SNX25: variants seen among roughly 807,000 people sequenced by gnomAD.
SNX25 encodes sorting nexin-25.
SNX25 carries 62 observed loss-of-function variants against 113.7 expected under a neutral mutation model. That is an observed-to-expected ratio of 0.55 (90% CI 0.44 to 0.67). The LOEUF (loss-of-function observed/expected upper bound fraction) is 0.67, where lower values mean the gene tolerates loss of function less well. SNX25 is among the 30% of genes least tolerant of loss of function. SNX25 has a pLI of 0.00. For synonymous variants in SNX25, 421 were observed against 436.2 expected (o/e 0.97, Z 0.43); for missense variants, 1,014 against 1,161.0 (o/e 0.87, Z 1.84).
downstream of SNX25, among the ~76,000 whole-genome samples, chr4:185,368,504 C>T (rs935853338): frequency 2.0e-5 from 3 of 152,190 alleles, no homozygotes; most frequent in Non-Finnish European, 2.9e-5. Flanking sequence ...GGGACACTGC[C>T]GGTCCAGTGA....
At chr4:185,245,486 C>T (rs1268807924) in intron 1 of SNX25, among the ~76,000 whole-genome samples, 6 of 151,930 alleles carry the variant, frequency 3.9e-5, no homozygotes, top group African/African-American at 2.4e-5. Context: ...TACAGGTGCC[C>T]GCCACCACGC....
downstream of SNX25, chr4:185,372,916 T>C: frequency 6.2e-7 from 1 of 1,613,326 alleles, no homozygotes; most frequent in Non-Finnish European, 8.5e-7. Context: ...CTCCACGAGA[T>C]TCCCTTGAGC....
intron 5 of SNX25, among the ~76,000 whole-genome samples, chr4:185,280,294 T>C (rs1560964019): frequency 6.6e-6 from 1 of 152,220 alleles, no homozygotes. Flanking sequence ...AGATTTTTGG[T>C]GTATCTATAC....
chr4:185,350,987 CT>C (rs1468666043), intron 13 of SNX25, among the ~76,000 whole-genome samples: 2 of 152,186 alleles, frequency 1.3e-5, no homozygotes, highest in East Asian at 3.8e-4. Flanking sequence ...ACTCAAAGTT[CT>C]TTTTTTCAGC....
upstream of SNX25, among the ~76,000 whole-genome samples, chr4:185,207,110 CA>C (rs1334095958): frequency 3.9e-5 from 6 of 152,024 alleles, no homozygotes; most frequent in Admixed American, 2.6e-4. Context: ...TCCACTGACC[CA>C]GGGGCAATCT....
At chr4:185,375,643 G>A in the SNX25 span, 2 of 1,610,966 alleles carry the variant, frequency 1.2e-6, no homozygotes, top group South Asian at 1.1e-5. Flanking sequence ...GCCCATCATA[G>A]TACATCACTC....
At chr4:185,325,844 T>C (rs1346720797) in intron 9 of SNX25, among the ~76,000 whole-genome samples, 1 of 152,222 alleles carries the variant, frequency 6.6e-6, no homozygotes, top group African/African-American at 2.4e-5. Context: ...AGAAACCCTG[T>C]ACAGGGACTG....
chr4:185,358,856 G>A (rs2095350272), intron 16 of SNX25, among the ~76,000 whole-genome samples: 1 of 152,170 alleles, frequency 6.6e-6, no homozygotes, highest in Admixed American at 6.5e-5. Context: ...GTTTTAAGAT[G>A]AAATTATCAG....
intron 9 of SNX25, among the ~76,000 whole-genome samples, chr4:185,328,902 A>G (rs114457848): frequency 0.018 from 2,814 of 152,202 alleles, 85 homozygotes; most frequent in African/African-American, 0.063. Context: ...GGGCCACCAG[A>G]TTGGAGGTTT....
intron 6 of SNX25, among the ~76,000 whole-genome samples, chr4:185,303,160 G>A (rs551688146): frequency 6.6e-6 from 1 of 152,256 alleles, no homozygotes; most frequent in East Asian, 1.9e-4. Flanking sequence ...CTGGGCTCCT[G>A]CTCACAACAA....
intron 6 of SNX25, among the ~76,000 whole-genome samples, chr4:185,305,826 T>C (rs1271937551): frequency 6.6e-6 from 1 of 152,194 alleles, no homozygotes; most frequent in African/African-American, 2.4e-5. Flanking sequence ...TGGAATATTA[T>C]AGGTTAGTGC....
chr4:185,372,827 A>G, downstream of SNX25: 1 of 1,510,162 alleles, frequency 6.6e-7, no homozygotes, highest in South Asian at 1.2e-5. Context: ...ATTCTGTTAC[A>G]GCAGCACAGA....
At chr4:185,288,279 T>A (rs1211753438) in intron 6 of SNX25, among the ~76,000 whole-genome samples, 197 bp downstream of exon 6, 1 of 152,264 alleles carries the variant, frequency 6.6e-6, no homozygotes, top group Non-Finnish European at 1.5e-5. Flanking sequence ...TTTGTCTGTA[T>A]TTCTGTATTC....
At chr4:185,278,389 A>G (rs942985970) in intron 5 of SNX25, among the ~76,000 whole-genome samples, 1 of 152,266 alleles carries the variant, frequency 6.6e-6, no homozygotes, top group Non-Finnish European at 1.5e-5. Flanking sequence ...TTGAAGCTGC[A>G]TGACCTTGGG....
At chr4:185,225,551 C>A (rs765345134) in intron 1 of SNX25, among the ~76,000 whole-genome samples, 1 of 152,140 alleles carries the variant, frequency 6.6e-6, no homozygotes, top group Non-Finnish European at 1.5e-5. Flanking sequence ...ATTCCTGTGG[C>A]CCCAGTTTGA....
At position 185,363,611 on chromosome 4, in the gene SNX25, C is replaced by G. The variant is rs531855066; in HGVS notation, c.*146C>G. 1.4e-5 allele frequency: 10 copies of G among 694,004 alleles called. No homozygotes were observed. The highest frequency in any genetic ancestry group is 2.1e-5 in the Non-Finnish European group (9 of 421,658). The allele number at this position is 694,004 out of a possible 1,614,324, so 43.0% of individuals were successfully genotyped here. ...TAGTTTTATGTGAAATTAGTAGAAT[C>G]AGGGAGGACGGGACTTATGCTGTGG... On this transcript the variant is annotated 3_prime_UTR_variant, in exon 19 of 19. Transcript: ENST00000652585. This position sits in a 1 kb window ranked among gnomAD's most constrained non-coding sequence, Gnocchi z 4.2.
At chr4:185,370,754 G>C (rs761832029), downstream of SNX25, 1 of 1,614,122 alleles carries the variant, frequency 6.2e-7, no homozygotes, top group East Asian at 2.2e-5. Context: ...TGAACTCCGG[G>C]AGACAGTCTG....
chr4:185,212,304 A>AT (rs57590957), intron 1 of SNX25, among the ~76,000 whole-genome samples: 45 of 146,542 alleles, frequency 3.1e-4, no homozygotes, highest in Admixed American at 6.2e-4. Flanking sequence ...AAAAAAAAAA[A>AT]TTTTTTTTTA....
chr4:185,299,335 A>G (rs1212615829), intron 6 of SNX25, among the ~76,000 whole-genome samples: 1 of 152,182 alleles, frequency 6.6e-6, no homozygotes, highest in Non-Finnish European at 1.5e-5. Flanking sequence ...GACAAGGCCT[A>G]AAGGGCCTGG....
Sources: gnomAD v4.1 joint callset for allele counts (sites outside exome capture counted in the v4.1 genomes callset) on GRCh38, gnomAD v4.1.1 for gene constraint, Gnocchi (gnomAD v3.1) non-coding constraint, MANE v1.5 for transcripts, NCBI Gene and HGNC (gene_info 2026-07-23, HGNC 2026-07-21) for gene names.